Variants in GLT1D1 observed in about 807,000 individuals in gnomAD.
The protein encoded by GLT1D1 is glycosyltransferase 1 domain-containing protein 1.
A neutral mutation model predicts 28.7 loss-of-function variants in GLT1D1; 21 were observed. That is an observed-to-expected ratio of 0.73 (90% confidence interval 0.52 to 1.05). GLT1D1 has a LOEUF of 1.05. Among genes scored for constraint, GLT1D1 ranks in the 50% least tolerant of loss-of-function variants. The probability of loss-of-function intolerance (pLI) is 0.00; values close to 1 mark genes in which losing one functional copy is unlikely to be tolerated. For missense variants in GLT1D1, 343 were observed against 330.6 expected (o/e 1.04, Z -0.29); for synonymous variants, 147 against 124.8 (o/e 1.18, Z -1.19).
rs865787701 is a variant in GLT1D1, at chr12:128,875,930, G to A, written c.85G>A (p.Ala29Thr). Residue 29 changes from alanine (A) to threonine (T), a missense_variant, in exon 2 of 8, where the codon GCA (alanine) becomes ACA (threonine). Coordinates refer to ENST00000281703, the MANE Select transcript of GLT1D1 (RefSeq NM_144669.3). ...TTGATAAAGGGCCCATCTAGAGGCT[G>A]CAGGGCACGTGTGCGTTTTGAAGGA... 1.9e-6 allele frequency: 3 copies of A among 1,613,884 alleles called. No homozygotes were observed. Among genetic ancestry groups the A allele is most frequent in the Non-Finnish European group, 2.5e-6 (3 of 1,179,898 alleles).
At chr12:128,909,886 C>T (rs1482609044) in intron 4 of GLT1D1, among the ~76,000 whole-genome samples, 1 of 152,220 alleles carries the variant, frequency 6.6e-6, no homozygotes, top group African/African-American at 2.4e-5. Flanking sequence ...ATCTGCAAGG[C>T]AGGCCGTACA....
chr12:128,867,810 A>C (rs1024454025), intron 1 of GLT1D1, among the ~76,000 whole-genome samples: 4 of 152,342 alleles, frequency 2.6e-5, no homozygotes, highest in Non-Finnish European at 4.4e-5. Flanking sequence ...TCTCCCCAGA[A>C]CTGGGAGAAA....
intron 4 of GLT1D1, among the ~76,000 whole-genome samples, chr12:128,909,667 T>A (rs1382317825): frequency 6.6e-6 from 1 of 152,240 alleles, no homozygotes; most frequent in African/African-American, 2.4e-5. Flanking sequence ...CTCTGGCTTA[T>A]GTTTAGTCAA....
intron 6 of GLT1D1, among the ~76,000 whole-genome samples, chr12:128,947,661 ATCTC>A (rs553168981): frequency 3.7e-4 from 57 of 152,254 alleles, no homozygotes; most frequent in Admixed American, 2.9e-3. Flanking sequence ...TCTCATTGCT[ATCTC>A]TCCTAGCCAG....
At chr12:128,901,424 C>T (rs1163357252) in intron 4 of GLT1D1, among the ~76,000 whole-genome samples, 10 of 130,450 alleles carry the variant, frequency 7.7e-5, no homozygotes, top group East Asian at 7.4e-4. Flanking sequence ...CTGACCTTTT[C>T]TCTCTCTCTC....
At chr12:128,867,419 G>A (rs61611794) in intron 1 of GLT1D1, among the ~76,000 whole-genome samples, 288 of 111,482 alleles carry the variant, frequency 2.6e-3, no homozygotes, top group Middle Eastern at 0.011. Context: ...AAAAAAAACA[G>A]AAAAAAAAAA....
intron 1 of GLT1D1, among the ~76,000 whole-genome samples, chr12:128,868,097 C>T (rs1393590937): frequency 6.6e-6 from 1 of 152,218 alleles, no homozygotes; most frequent in Non-Finnish European, 1.5e-5. Flanking sequence ...AGGCTGGAGG[C>T]AGGGCCTCCT....
At position 128,898,992 on chromosome 12, in the gene GLT1D1, G is replaced by A. The variant is rs1224907107; in HGVS notation, c.324-244G>A. ...TTTATCCCTGCCTCTCTGAACTTGCGTGGAAGGAAGAGAAAAAATAGGAGT... is the reference window on the plus strand; with the variant it reads ...TTTATCCCTGCCTCTCTGAACTTGCATGGAAGGAAGAGAAAAAATAGGAGT... On this transcript the variant is annotated intron_variant, in intron 3 of 7. Coordinates refer to ENST00000281703, the MANE Select transcript of GLT1D1 (RefSeq NM_144669.3). Among the ~76,000 whole-genome samples the A allele has an allele frequency of 8.5e-5, 13 of 152,156 alleles. No homozygotes were observed. In the South Asian group the frequency reaches 1.0e-3, roughly 12 times the overall value.
In GLT1D1 at chr12:128,914,781, C is replaced by T. The variant is rs184212412; in HGVS notation, c.375+15494C>T. 3 of 587,686 alleles carry T rather than the reference C, an allele frequency of 5.1e-6. No homozygotes were observed. In the East Asian group the frequency reaches 8.7e-5, roughly 17 times the overall value. The allele number at this position is 587,686 out of a possible 1,614,324, so 36.4% of individuals were successfully genotyped here. A position where few individuals can be genotyped will look rare whatever the true frequency, so the allele number is the denominator to read the frequency against. On this transcript the variant is annotated intron_variant, in intron 4 of 7. Coordinates refer to ENST00000281703, the MANE Select transcript of GLT1D1 (RefSeq NM_144669.3). ...GTTGCAGTGAGCAGAGATCGTGGCA[C>T]TGCACTGCAGCCTGGGTGACAGAGC...
At chr12:128,897,828 C>T (rs1869824259) in intron 3 of GLT1D1, among the ~76,000 whole-genome samples, 1 of 151,938 alleles carries the variant, frequency 6.6e-6, no homozygotes, top group South Asian at 2.1e-4. Context: ...GCCACCATGC[C>T]CGGCTAATTT....
Position 128,923,724 on chromosome 12 carries a change from G to A in GLT1D1, c.376-21602G>A, listed in dbSNP as rs559923297. On this transcript the variant is annotated intron_variant, in intron 4 of 7. Transcript: ENST00000281703. ...TTTAGTAGAGACGGGATTTCACCAC[G>A]TTGGTCAGGCTGGTCTCGAACTCCT... Among the ~76,000 whole-genome samples, 20 of 151,938 alleles carry A rather than the reference G, an allele frequency of 1.3e-4. No individual in the cohort carries two copies. The East Asian group carries it at 3.5e-3, about 27-fold the overall frequency.
At chr12:128,921,795 A>G (rs1249807021) in intron 4 of GLT1D1, among the ~76,000 whole-genome samples, 1 of 147,938 alleles carries the variant, frequency 6.8e-6, no homozygotes, top group African/African-American at 2.4e-5. Context: ...TACTTCTCAC[A>G]TAGCAAAAAT....
intron 3 of GLT1D1, among the ~76,000 whole-genome samples, chr12:128,891,051 G>A (rs1219087862): frequency 2.7e-5 from 4 of 150,778 alleles, no homozygotes; most frequent in African/African-American, 9.7e-5. Context: ...GTTGGTTGCA[G>A]TAAGCAAGAT....
chr12:128,953,702 T>C lies in GLT1D1; in HGVS notation c.541-3843T>C, dbSNP rs58944034. The stretch of plus-strand genomic sequence containing the variant: ...AGGAAGGGGCCAGATTCCAAATTCC[T>C]TCCTTCTTTGGCCTGTGCGCACTAA... On this transcript the variant is annotated intron_variant, in intron 6 of 7. Coordinates refer to ENST00000281703, the MANE Select transcript of GLT1D1 (RefSeq NM_144669.3). 3.2e-3 allele frequency among the ~76,000 whole-genome samples: 491 copies of C among 152,126 alleles called. 3 individuals are homozygous for C. Among genetic ancestry groups the C allele is most frequent in the African/African-American group, 0.011 (463 of 41,494 alleles).
intron 6 of GLT1D1, among the ~76,000 whole-genome samples, chr12:128,954,202 C>A (rs1289096187): frequency 6.6e-6 from 1 of 151,710 alleles, no homozygotes. Flanking sequence ...CGGCTCACTG[C>A]AAGCTCCACC....
chr12:128,940,221 A>T (rs1445418136), intron 4 of GLT1D1, among the ~76,000 whole-genome samples: 1 of 151,970 alleles, frequency 6.6e-6, no homozygotes, highest in African/African-American at 2.4e-5. Flanking sequence ...TCGACATTTG[A>T]CTTTTTTCTT....
intron 4 of GLT1D1, among the ~76,000 whole-genome samples, chr12:128,908,844 G>A (rs1305431330): frequency 6.6e-6 from 1 of 152,114 alleles, no homozygotes; most frequent in Non-Finnish European, 1.5e-5. Context: ...AGCTACTCGG[G>A]AGGCTGAGGC....
intron 7 of GLT1D1, 89 bp downstream of exon 11, chr12:128,957,732 T>G: frequency 1.2e-4 from 99 of 815,718 alleles, no homozygotes; most frequent in Non-Finnish European, 1.7e-4. Context: ...TGTTAGCGCT[T>G]AGTATTCCTG....
At chr12:128,961,789 C>T (rs969092878) in intron 7 of GLT1D1, among the ~76,000 whole-genome samples, 3 of 152,188 alleles carry the variant, frequency 2.0e-5, no homozygotes, top group Admixed American at 6.5e-5. Context: ...CATAGACACA[C>T]CCAGAGATAA....
Sources: allele counts gnomAD v4.1 joint callset (sites outside exome capture counted in the v4.1 genomes callset), GRCh38; gene constraint gnomAD v4.1.1; transcripts MANE v1.5; gene names NCBI Gene and HGNC (gene_info 2026-07-23, HGNC 2026-07-21).